PRKG1: variants seen among roughly 807,000 people sequenced by gnomAD.
PRKG1 encodes cGMP-dependent protein kinase 1.
PRKG1 carries 35 observed loss-of-function variants against 88.1 expected under a neutral mutation model. The ratio of observed to expected loss-of-function variants is 0.40; its 90% CI spans 0.30 to 0.53. PRKG1 has a LOEUF of 0.53. PRKG1 is among the 20% of genes least tolerant of loss of function. The pLI, the probability that PRKG1 is intolerant of heterozygous loss-of-function variation, is 0.59. For missense variants in PRKG1, 540 were observed against 839.8 expected, an observed-to-expected ratio of 0.64 and a Z score of 4.41; for synonymous variants, 303 against 292.5, an observed-to-expected ratio of 1.04 and a Z score of -0.37.
intron 9 of PRKG1, among the ~76,000 whole-genome samples, chr10:52,215,037 C>CA (rs5784912): frequency 0.3 from 40,050 of 133,902 alleles, 6,044 homozygotes; most frequent in East Asian, 0.55. Context: ...AAAGTTTTTT[C>CA]AAAAAAAAAA....
chr10:51,635,914 G>A (rs1839644639), intron 3 of PRKG1, among the ~76,000 whole-genome samples: 1 of 152,082 alleles, frequency 6.6e-6, no homozygotes, highest in Non-Finnish European at 1.5e-5. Context: ...ATTTTGCACA[G>A]TTAATAGAGC....
Position 51,838,890 on chromosome 10 carries a change from G to A in PRKG1, c.698+34200G>A, listed in dbSNP as rs566216313. Among the ~76,000 whole-genome samples the A allele has an allele frequency of 2.0e-5, 3 of 152,254 alleles. No individual in the cohort carries two copies. The East Asian group carries it at 5.8e-4, about 29-fold the overall frequency. On this transcript the variant is annotated intron_variant, in intron 4 of 17. Coordinates refer to ENST00000373980, the MANE Select transcript of PRKG1 (RefSeq NM_006258.4). ...GTGCTGAGATAGACCAATTTTTCCA[G>A]CCAAAACTGGGACTTATTACTGTAT...
intron 3 of PRKG1, among the ~76,000 whole-genome samples, chr10:51,787,875 G>A (rs1190878194): frequency 6.6e-6 from 1 of 152,112 alleles, no homozygotes; most frequent in Non-Finnish European, 1.5e-5. Flanking sequence ...TATGAGGTGA[G>A]GCAGGCATGA....
intron 3 of PRKG1, among the ~76,000 whole-genome samples, chr10:51,719,943 G>C (rs1451588994): frequency 6.6e-6 from 1 of 152,170 alleles, no homozygotes; most frequent in Non-Finnish European, 1.5e-5. Flanking sequence ...CCAGATGAGA[G>C]ATGATAACTG....
intron 3 of PRKG1, among the ~76,000 whole-genome samples, chr10:51,631,336 G>A (rs946471629): frequency 6.6e-6 from 1 of 151,990 alleles, no homozygotes; most frequent in Non-Finnish European, 1.5e-5. Context: ...GGCATGGATG[G>A]AGTGGTAAAT....
rs10998996 is a variant in PRKG1 at position 51,704,817 on chromosome 10, T to G, written c.593-99768T>G. On this transcript the variant is annotated intron_variant, in intron 3 of 17. Transcript: ENST00000373980. ...GAAGTTCAGATTCATGAATGTGAAC[T>G]TGATGTGAGAGTCAGTAGGCTTCCT... Among the ~76,000 whole-genome samples the G allele has an allele frequency of 5.1e-3, 779 of 152,326 alleles. 8 individuals carry two copies. The highest frequency in any genetic ancestry group is 0.018 in the African/African-American group (735 of 41,574).
intron 9 of PRKG1, among the ~76,000 whole-genome samples, chr10:52,195,255 C>T (rs778703836): frequency 2.0e-5 from 3 of 150,636 alleles, no homozygotes; most frequent in African/African-American, 7.3e-5. Flanking sequence ...CTCTTTAGCT[C>T]GAATAATATT....
intron 3 of PRKG1, among the ~76,000 whole-genome samples, chr10:51,773,704 GT>G (rs778386078): frequency 1.3e-3 from 195 of 152,148 alleles, no homozygotes; most frequent in Admixed American, 4.3e-3. Flanking sequence ...ATATGCATAT[GT>G]AAATCACATT....
At chr10:51,459,233 T>C (rs144053560) in intron 2 of PRKG1, among the ~76,000 whole-genome samples, 259 of 152,228 alleles carry the variant, frequency 1.7e-3, no homozygotes, top group African/African-American at 4.5e-3. Flanking sequence ...AAGAAATTAG[T>C]ATGAAACAGA....
intron 9 of PRKG1, among the ~76,000 whole-genome samples, chr10:52,163,395 T>C (rs948854665): frequency 1.5e-4 from 23 of 150,802 alleles, no homozygotes; most frequent in African/African-American, 5.3e-4. Flanking sequence ...TGCATATACA[T>C]ATATAAAAGA....
chr10:51,673,362 G>A (rs115229335), intron 3 of PRKG1, among the ~76,000 whole-genome samples: 1,574 of 152,318 alleles, frequency 0.01, 28 homozygotes, highest in African/African-American at 0.036. Flanking sequence ...ACCAGTGAAA[G>A]TGAGGGAGTA....
At chr10:51,157,823 A>G (rs1020661602) in intron 2 of PRKG1, among the ~76,000 whole-genome samples, 4 of 133,264 alleles carry the variant, frequency 3.0e-5, no homozygotes, top group East Asian at 1.9e-4. Context: ...TTGCATTTCA[A>G]ATTTTATTTT....
At chr10:51,709,694 C>CT (rs1841695330) in intron 3 of PRKG1, among the ~76,000 whole-genome samples, 1 of 129,892 alleles carries the variant, frequency 7.7e-6, no homozygotes, top group African/African-American at 2.8e-5. Context: ...ATGTAGTGGT[C>CT]TGGAGTTTGC....
Position 51,142,219 on chromosome 10 carries a change from G to A in PRKG1, c.312-10945G>A, listed in dbSNP as rs146161317. 2.2e-3 allele frequency among the ~76,000 whole-genome samples: 329 copies of A among 152,212 alleles called. 4 individuals are homozygous for A. The East Asian group carries it at 0.023, about 10-fold the overall frequency. ...TTGAATCCATTGCTGAATTCAAGAC[G>A]TGTTTCTGTATTGAGATTATCCTTC... On this transcript the variant is annotated intron_variant, in intron 1 of 17. Coordinates refer to ENST00000373980, the MANE Select transcript of PRKG1 (RefSeq NM_006258.4).
chr10:51,221,219 C>T (rs1161148774), intron 2 of PRKG1, among the ~76,000 whole-genome samples: 1 of 151,810 alleles, frequency 6.6e-6, no homozygotes. Flanking sequence ...TAGTTCTTTA[C>T]TAATTGATGC....
chr10:51,122,057 G>A (rs930184783), intron 1 of PRKG1, among the ~76,000 whole-genome samples: 18 of 152,088 alleles, frequency 1.2e-4, no homozygotes, highest in African/African-American at 7.2e-5. Context: ...GCATCATGTC[G>A]CTGCTAAACA....
intron 4 of PRKG1, among the ~76,000 whole-genome samples, chr10:51,903,568 A>G (rs764103981): frequency 6.6e-6 from 1 of 152,170 alleles, no homozygotes; most frequent in Admixed American, 6.6e-5. Context: ...AAAATGATAC[A>G]TGTTAACAGT....
intron 4 of PRKG1, among the ~76,000 whole-genome samples, chr10:51,830,572 T>G (rs1365097960): frequency 3.6e-5 from 5 of 137,960 alleles, no homozygotes; most frequent in Non-Finnish European, 6.1e-5. Flanking sequence ...TTTTTTTTTT[T>G]TTTTTTTGAG....
chr10:51,992,376 C>CT (rs199749321), intron 5 of PRKG1, among the ~76,000 whole-genome samples: 15 of 151,852 alleles, frequency 9.9e-5, no homozygotes, highest in East Asian at 3.9e-4. Flanking sequence ...TTTTCATTTC[C>CT]TTTTTAAAAA....
Sources: gnomAD v4.1 joint callset for allele counts (sites outside exome capture counted in the v4.1 genomes callset) on GRCh38, gnomAD v4.1.1 for gene constraint, MANE v1.5 for transcripts, NCBI Gene and HGNC (gene_info 2026-07-23, HGNC 2026-07-21) for gene names.